Variants in GLDC observed in about 807,000 individuals in gnomAD.
GLDC encodes the protein glycine dehydrogenase (decarboxylating), mitochondrial.
In GLDC, 104 loss-of-function variants were observed where a neutral mutation model predicts 121.3. That is an observed-to-expected ratio of 0.86 (90% CI 0.73 to 1.01). The LOEUF is 1.01. GLDC is among the 50% of genes least tolerant of loss of function. The probability of loss-of-function intolerance (pLI) is 0.00; values close to 1 mark genes in which losing one functional copy is unlikely to be tolerated. For synonymous variants in GLDC, 546 were observed against 480.6 expected (o/e 1.14, Z -1.78); for missense variants, 1,429 against 1,306.6 (o/e 1.09, Z -1.44).
intron 16 of GLDC, among the ~76,000 whole-genome samples, chr9:6,560,729 C>T (rs1364769672): frequency 2.0e-5 from 3 of 152,216 alleles, no homozygotes; most frequent in Non-Finnish European, 4.4e-5. Flanking sequence ...AAAACGTCAA[C>T]CACCCTGTGG....
At chr9:6,573,892 A>C (rs1818012388) in intron 15 of GLDC, among the ~76,000 whole-genome samples, 1 of 152,186 alleles carries the variant, frequency 6.6e-6, no homozygotes, top group Non-Finnish European at 1.5e-5. Context: ...CTAACAATTT[A>C]ACAGTACAAA....
chr9:6,637,353 T>C (rs1819525522), intron 2 of GLDC, among the ~76,000 whole-genome samples: 1 of 150,750 alleles, frequency 6.6e-6, no homozygotes, highest in Non-Finnish European at 1.5e-5. Context: ...TGCAGTGAGC[T>C]GAGATCGAGC....
chr9:6,544,873 G>A (rs902906222), intron 21 of GLDC, among the ~76,000 whole-genome samples: 1 of 152,104 alleles, frequency 6.6e-6, no homozygotes, highest in African/African-American at 2.4e-5. Flanking sequence ...GCCAAGGTGG[G>A]TGGATCACCT....
intron 4 of GLDC, among the ~76,000 whole-genome samples, chr9:6,609,266 G>C (rs1278257371): frequency 6.6e-6 from 1 of 152,102 alleles, no homozygotes; most frequent in Admixed American, 6.6e-5. Context: ...CAGAAGTTTT[G>C]ACAAAGATTT....
At chr9:6,569,732 T>C (rs1393420639) in intron 15 of GLDC, among the ~76,000 whole-genome samples, 3 of 151,840 alleles carry the variant, frequency 2.0e-5, no homozygotes, top group Non-Finnish European at 2.9e-5. Context: ...TCACAGCACG[T>C]TGGGAGGCCG....
intron 17 of GLDC, 68 bp from the exon 18 acceptor site, chr9:6,556,370 C>A: frequency 7.7e-7 from 1 of 1,303,366 alleles, no homozygotes; most frequent in Non-Finnish European, 1.1e-6. Flanking sequence ...CAAATCCTCG[C>A]CTTTCATTTT....
intron 2 of GLDC, chr9:6,639,631 T>G: frequency 1.6e-6 from 1 of 633,708 alleles, no homozygotes; most frequent in South Asian, 1.4e-5. Flanking sequence ...AGCTGCCTAA[T>G]TCTAAATATA....
At chr9:6,638,702 G>T (rs564994598) in intron 2 of GLDC, among the ~76,000 whole-genome samples, 7 of 152,178 alleles carry the variant, frequency 4.6e-5, no homozygotes, top group African/African-American at 1.7e-4. Flanking sequence ...TGGAGATAGT[G>T]ACTATGTTTA....
chr9:6,595,072 G>A lies in GLDC; in HGVS notation c.1203C>T (p.Ser401=), dbSNP rs768917100. The A allele has an allele frequency of 1.2e-6, 2 of 1,613,556 alleles. No individual in the cohort carries two copies. Among genetic ancestry groups the A allele is most frequent in the South Asian group, 2.2e-5 (2 of 91,074 alleles). The change falls in exon 9 of 25, where the codon TCC becomes TCT. Residue 401 remains serine, a synonymous_variant. Coordinates refer to ENST00000321612, the MANE Select transcript of GLDC (RefSeq NM_000170.3). The part of the protein sequence containing the change: ...MAAMFAIYHG[S]HGLEHIARRV... ...TCCTAGCAATATGCTCCAGCCCATG[G>A]GAACCATGGTAGATTGCAAACATGG...
intron 11 of GLDC, among the ~76,000 whole-genome samples, chr9:6,591,692 C>A (rs929286342): frequency 4.6e-5 from 7 of 152,146 alleles, no homozygotes; most frequent in African/African-American, 1.7e-4. Flanking sequence ...TGAAGCAATT[C>A]TCCCACCTCA....
intron 2 of GLDC, among the ~76,000 whole-genome samples, chr9:6,628,391 C>A (rs1351316049): frequency 6.6e-6 from 1 of 152,196 alleles, no homozygotes; most frequent in Non-Finnish European, 1.5e-5. Flanking sequence ...TTCAACTGGA[C>A]AAAACCAGCT....
chr9:6,644,685 T>C lies in GLDC; in HGVS notation c.263A>G (p.Asp88Gly), dbSNP rs760204566. 5.6e-6 allele frequency: 9 copies of C among 1,611,278 alleles called. No homozygotes were observed. The South Asian group carries it at 9.9e-5, about 18-fold the overall frequency. The change falls in exon 2 of 25, where the codon GAT becomes GGT. Residue 88 changes from aspartate to glycine, a missense_variant. Coordinates refer to ENST00000321612, the MANE Select transcript of GLDC (RefSeq NM_000170.3). Reference protein sequence around the residue: ...MLQTLGLASIDELIEKTVPAN... With the variant: ...MLQTLGLASIGELIEKTVPAN... ...AGGGACCGTCTTCTCGATCAATTCA[T>C]CAATGCTCTAAAATTAAAACGCAAG...
At chr9:6,573,624 C>T (rs1322553446) in intron 15 of GLDC, among the ~76,000 whole-genome samples, 2 of 152,070 alleles carry the variant, frequency 1.3e-5, no homozygotes, top group East Asian at 1.9e-4. Context: ...GCTTGTGATA[C>T]GTAAGGGTTT....
rs7020315 is a variant in GLDC at position 6,604,895 on chromosome 9, C to A, written c.862-111G>T. On this transcript the variant is annotated intron_variant, in intron 6 of 24. Transcript: ENST00000321612. Reference sequence around the variant, plus strand: ...AAGACGGGCAGAGTGTGTTCACATCCTGTGAACTCCATTGCTCATTCATTC... The same window carrying A: ...AAGACGGGCAGAGTGTGTTCACATCATGTGAACTCCATTGCTCATTCATTC... 5.0e-3 allele frequency: 4,718 copies of A among 947,732 alleles called. 121 individuals are homozygous for A. In the African/African-American group the frequency reaches 0.064, roughly 13 times the overall value. The allele number at this position is 947,732 out of a possible 1,614,324, so 58.7% of individuals were successfully genotyped here.
At chr9:6,592,700 G>A (rs1311072310) in intron 10 of GLDC, 151 bp downstream of exon 10, 1 of 708,316 alleles carries the variant, frequency 1.4e-6, no homozygotes, top group South Asian at 1.9e-5. Flanking sequence ...AGACCACAGT[G>A]TTGCATAATG....
intron 23 of GLDC, 168 bp downstream of exon 23, chr9:6,535,896 C>G (rs1344025978): frequency 1.5e-6 from 1 of 678,740 alleles, no homozygotes; most frequent in Admixed American, 2.1e-5. Context: ...CTATGCTGTT[C>G]AAGACGATGG....
intron 2 of GLDC, chr9:6,622,706 G>A (rs1319694085): frequency 5.0e-6 from 1 of 198,340 alleles, no homozygotes; most frequent in Non-Finnish European, 1.0e-5. Flanking sequence ...GCCGCCCATG[G>A]TCTGGGATGT....
At chr9:6,536,271 A>C (rs753133816) in intron 22 of GLDC, 35 bp from the exon 23 acceptor site, 8 of 1,580,778 alleles carry the variant, frequency 5.1e-6, no homozygotes, top group Non-Finnish European at 6.9e-6. Flanking sequence ...GCCTCACTGA[A>C]GGTCAGTGGC....
chr9:6,600,390 A>G (rs112233008), intron 8 of GLDC, among the ~76,000 whole-genome samples: 2,097 of 151,954 alleles, frequency 0.014, 52 homozygotes, highest in African/African-American at 0.048. Context: ...AAAAAAAAAA[A>G]AAGAAGCCAG....
Sources: gnomAD v4.1 joint callset for allele counts (sites outside exome capture counted in the v4.1 genomes callset) on GRCh38, gnomAD v4.1.1 for gene constraint, MANE v1.5 for transcripts, NCBI Gene and HGNC (gene_info 2026-07-23, HGNC 2026-07-21) for gene names.